Variants in NRXN1 observed in about 807,000 individuals in gnomAD.
NRXN1 encodes the protein neurexin 1.
NRXN1 carries 39 observed loss-of-function variants against 150.9 expected under a neutral mutation model. The observed-to-expected ratio is 0.26, with a 90% CI of 0.20 to 0.34. The LOEUF (loss-of-function observed/expected upper bound fraction) is 0.34, where lower values mean the gene tolerates loss of function less well. Among genes scored for constraint, NRXN1 ranks in the 10% least tolerant of loss-of-function variants. The pLI, the probability that NRXN1 is intolerant of heterozygous loss-of-function variation, is 1.00. For missense variants in NRXN1, 1,815 were observed against 1,949.9 expected (o/e 0.93, Z 1.30); for synonymous variants, 924 against 757.0 (o/e 1.22, Z -3.62).
chr2:50,461,344 C>G (rs2088186740), intron 17 of NRXN1, among the ~76,000 whole-genome samples: 1 of 151,956 alleles, frequency 6.6e-6, no homozygotes, highest in South Asian at 2.1e-4. Flanking sequence ...TTATATTCTT[C>G]CCTTATGGTA....
At chr2:50,115,582 G>T (rs9917277) in intron 18 of NRXN1, among the ~76,000 whole-genome samples, 39,331 of 151,608 alleles carry the variant, frequency 0.26, 5,499 homozygotes, top group Admixed American at 0.39. Context: ...AGTGAGATAC[G>T]AACCCAGTCC....
chr2:50,052,849 C>T (rs1194176608), intron 21 of NRXN1, among the ~76,000 whole-genome samples: 1 of 152,092 alleles, frequency 6.6e-6, no homozygotes, highest in East Asian at 1.9e-4. Flanking sequence ...AAGTATTGTA[C>T]TATTAAAATA....
chr2:50,066,738 A>G (rs1464176459), intron 19 of NRXN1, among the ~76,000 whole-genome samples: 2 of 152,234 alleles, frequency 1.3e-5, no homozygotes, highest in East Asian at 3.8e-4. Flanking sequence ...CTACTAAGTA[A>G]AATGCACTGA....
chr2:50,441,204 A>G (rs1236525632), intron 17 of NRXN1, among the ~76,000 whole-genome samples: 1 of 152,112 alleles, frequency 6.6e-6, no homozygotes, highest in African/African-American at 2.4e-5. Flanking sequence ...TTCAAAGTAG[A>G]TATTTTATCT....
intron 5 of NRXN1, among the ~76,000 whole-genome samples, chr2:50,844,308 C>T (rs890389782): frequency 7.9e-5 from 12 of 152,184 alleles, no homozygotes; most frequent in Admixed American, 2.0e-4. Flanking sequence ...CCCTGCTCCA[C>T]TTCTCCGCTT....
chr2:50,831,611 C>T (rs751726414), intron 5 of NRXN1, among the ~76,000 whole-genome samples: 5 of 152,262 alleles, frequency 3.3e-5, no homozygotes, highest in Non-Finnish European at 7.3e-5. Flanking sequence ...AAGATATGTA[C>T]ACATTTCTGT....
intron 17 of NRXN1, among the ~76,000 whole-genome samples, chr2:50,436,298 A>G (rs2085425598): frequency 6.6e-6 from 1 of 152,180 alleles, no homozygotes; most frequent in Non-Finnish European, 1.5e-5. Context: ...TACTAAAAAT[A>G]CAAAATTAGC....
chr2:50,968,216 G>A (rs1210740281), intron 2 of NRXN1, among the ~76,000 whole-genome samples: 1 of 151,794 alleles, frequency 6.6e-6, no homozygotes, highest in African/African-American at 2.4e-5. Flanking sequence ...TTTCATTTTG[G>A]TACATGATCC....
At chr2:50,515,498 C>T (rs375944928) in intron 12 of NRXN1, among the ~76,000 whole-genome samples, 47 of 152,114 alleles carry the variant, frequency 3.1e-4, no homozygotes, top group African/African-American at 1.1e-3. Flanking sequence ...CTTTAAATGA[C>T]ACAAATCAAT....
intron 12 of NRXN1, among the ~76,000 whole-genome samples, chr2:50,510,904 G>T (rs2092429241): frequency 6.6e-6 from 1 of 152,104 alleles, no homozygotes; most frequent in Admixed American, 6.6e-5. Flanking sequence ...TTATATTAAA[G>T]AATTTTAGAA....
chr2:50,232,230 C>T (rs2065006137), intron 18 of NRXN1, among the ~76,000 whole-genome samples: 1 of 151,990 alleles, frequency 6.6e-6, no homozygotes, highest in Admixed American at 6.6e-5. Context: ...GAGGTGGTTA[C>T]TAAACAACCA....
chr2:50,331,674 T>A (rs913977002), intron 17 of NRXN1, among the ~76,000 whole-genome samples: 1 of 152,164 alleles, frequency 6.6e-6, no homozygotes, highest in Non-Finnish European at 1.5e-5. Context: ...TGTGAAGGTA[T>A]CAGGTTTTAG....
intron 8 of NRXN1, among the ~76,000 whole-genome samples, chr2:50,567,116 G>A (rs527259307): frequency 2.0e-4 from 30 of 151,982 alleles, no homozygotes; most frequent in Non-Finnish European, 3.4e-4. Flanking sequence ...CACTTGTTTT[G>A]TGCTCACTTC....
chr2:50,408,979 A>C (rs759651131), intron 17 of NRXN1, among the ~76,000 whole-genome samples: 6 of 152,140 alleles, frequency 3.9e-5, no homozygotes, highest in Non-Finnish European at 8.8e-5. Context: ...GCAGGAAAAA[A>C]AATTGACATG....
intron 5 of NRXN1, among the ~76,000 whole-genome samples, chr2:50,742,027 CA>C (rs1486565276): frequency 6.6e-6 from 1 of 151,648 alleles, no homozygotes; most frequent in Admixed American, 6.6e-5. Flanking sequence ...CTCACAACCA[CA>C]AAAAATAATT....
intron 18 of NRXN1, among the ~76,000 whole-genome samples, chr2:50,197,588 A>G (rs1026508350): frequency 1.3e-5 from 2 of 152,068 alleles, no homozygotes; most frequent in Non-Finnish European, 2.9e-5. Context: ...TTTTTTATTA[A>G]TCTTCAAATT....
At chr2:50,150,501 C>T (rs937058755) in intron 18 of NRXN1, among the ~76,000 whole-genome samples, 1 of 151,716 alleles carries the variant, frequency 6.6e-6, no homozygotes, top group Non-Finnish European at 1.5e-5. Flanking sequence ...CAGTGTTCTC[C>T]TAAAGAAGCA....
In NRXN1 at chr2:50,324,355, G is replaced by T. The variant is rs1171821204; in HGVS notation, c.3365-87385C>A. Among the ~76,000 whole-genome samples, 2 of 152,260 alleles carry T rather than the reference G, an allele frequency of 1.3e-5. 1 individual carries two copies. Among genetic ancestry groups the T allele is most frequent in the East Asian group, 3.9e-4 (2 of 5,184 alleles). On this transcript the variant is annotated intron_variant, in intron 17 of 22. Transcript: ENST00000401669. Reference sequence around the variant, plus strand: ...GAGCCTTAATGACCCAATAAATGAAGATGCCACTTAAAAGCTAAAGAAGCC... The same window carrying T: ...GAGCCTTAATGACCCAATAAATGAATATGCCACTTAAAAGCTAAAGAAGCC...
At chr2:50,398,927 G>C (rs1010013651) in intron 17 of NRXN1, among the ~76,000 whole-genome samples, 4 of 152,110 alleles carry the variant, frequency 2.6e-5, no homozygotes, top group Non-Finnish European at 1.5e-5. Flanking sequence ...GGATAGGAGG[G>C]TAGGTATACA....
Sources: allele counts gnomAD v4.1 joint callset (sites outside exome capture counted in the v4.1 genomes callset), GRCh38; gene constraint gnomAD v4.1.1; transcripts MANE v1.5; gene names NCBI Gene and HGNC (gene_info 2026-07-23, HGNC 2026-07-21).